RORA: variants seen among roughly 807,000 people sequenced by gnomAD.
The protein encoded by RORA is nuclear receptor ROR-alpha.
In RORA, 7 loss-of-function variants were observed where a neutral mutation model predicts 69.5. The observed-to-expected ratio is 0.10, with a 90% confidence interval of 0.06 to 0.19. The LOEUF is 0.19. Among genes scored for constraint, RORA ranks in the 10% least tolerant of loss-of-function variants. RORA has a pLI of 1.00. For synonymous variants in RORA, 261 were observed against 240.8 expected (o/e 1.08, Z -0.78); for missense variants, 457 against 663.0 (o/e 0.69, Z 3.41).
chr15:60,842,084 C>T (rs1455508936), intron 1 of RORA, among the ~76,000 whole-genome samples: 6 of 151,900 alleles, frequency 3.9e-5, no homozygotes, highest in South Asian at 2.1e-4. Flanking sequence ...CAAGCTGACC[C>T]ATCCCTTGCT....
At chr15:60,529,597 G>A (rs1418644445) in intron 3 of RORA, 1 of 152,204 alleles carries the variant, frequency 6.6e-6, no homozygotes, top group Non-Finnish European at 1.5e-5. Flanking sequence ...TGGCACTGAG[G>A]AGGTATGCAG....
At chr15:60,530,216 C>T (rs1470743305) in intron 3 of RORA, 1 of 152,208 alleles carries the variant, frequency 6.6e-6, no homozygotes, top group African/African-American at 2.4e-5. Flanking sequence ...TGACAGTGGT[C>T]ACAGGCAGAT....
intron 1 of RORA, among the ~76,000 whole-genome samples, chr15:60,688,406 A>G (rs2070777192): frequency 6.6e-6 from 1 of 152,186 alleles, no homozygotes; most frequent in Admixed American, 6.5e-5. Context: ...TAAAATTATA[A>G]TAATAAGAAA....
At chr15:60,707,134 G>A (rs2071074035) in intron 1 of RORA, among the ~76,000 whole-genome samples, 1 of 152,032 alleles carries the variant, frequency 6.6e-6, no homozygotes, top group African/African-American at 2.4e-5. Context: ...ACTGGAATCT[G>A]TAACCGTTGG....
At chr15:60,783,153 G>C (rs540319007) in intron 1 of RORA, among the ~76,000 whole-genome samples, 11 of 152,084 alleles carry the variant, frequency 7.2e-5, no homozygotes, top group Non-Finnish European at 4.4e-5. Context: ...GTAAAAAAAA[G>C]AAATCAAACT....
chr15:61,119,085 G>GC lies in RORA; in HGVS notation c.166+109967_166+109968insG, dbSNP rs1050632166. 7.5e-4 allele frequency among the ~76,000 whole-genome samples: 113 copies of GC among 150,336 alleles called. 5 individuals carry two copies. Among genetic ancestry groups the GC allele is most frequent in the Non-Finnish European group, 1.2e-3 (80 of 67,562 alleles). On this transcript the variant is annotated intron_variant, in intron 1 of 10. Transcript: ENST00000335670. Reference sequence around the variant, plus strand: ...CGGGAAGATGCAGTTAACAGAAGGGGGGGGGGGGCGCCATGGAGCAGTCGT... The same window carrying GC: ...CGGGAAGATGCAGTTAACAGAAGGGGCGGGGGGGGCGCCATGGAGCAGTCGT...
At chr15:60,788,363 C>A (rs144903999) in intron 1 of RORA, among the ~76,000 whole-genome samples, 5 of 152,168 alleles carry the variant, frequency 3.3e-5, no homozygotes, top group Admixed American at 3.3e-4. Context: ...GTGGGGAATG[C>A]TTTCCCATTA....
intron 1 of RORA, among the ~76,000 whole-genome samples, chr15:61,017,805 C>T (rs1448032154): frequency 6.6e-6 from 1 of 152,162 alleles, no homozygotes; most frequent in Non-Finnish European, 1.5e-5. Context: ...CCATTTCTAA[C>T]CTTCCTGGAG....
At chr15:61,196,789 T>A (rs183547295) in intron 1 of RORA, among the ~76,000 whole-genome samples, 1 of 152,352 alleles carries the variant, frequency 6.6e-6, no homozygotes, top group East Asian at 1.9e-4. Flanking sequence ...TACAGTGTTT[T>A]AAAAAAATTT....
intron 1 of RORA, among the ~76,000 whole-genome samples, chr15:61,011,411 A>G (rs970796413): frequency 2.6e-5 from 4 of 152,240 alleles, no homozygotes; most frequent in African/African-American, 9.6e-5. Flanking sequence ...GACTAATAAA[A>G]TGACAAAAGT....
At chr15:60,762,327 T>C (rs1567181686) in intron 1 of RORA, among the ~76,000 whole-genome samples, 1 of 152,206 alleles carries the variant, frequency 6.6e-6, no homozygotes, top group Admixed American at 6.5e-5. Context: ...CTTCTGGTTC[T>C]TAATTTAAAT....
chr15:60,524,607 A>G (rs1256208069), intron 3 of RORA, among the ~76,000 whole-genome samples: 1 of 152,150 alleles, frequency 6.6e-6, no homozygotes, highest in African/African-American at 2.4e-5. Flanking sequence ...TCCCCCTCCT[A>G]GCCCTTACCT....
intron 1 of RORA, among the ~76,000 whole-genome samples, chr15:60,679,026 T>C (rs1024910836): frequency 1.3e-5 from 2 of 152,132 alleles, no homozygotes; most frequent in African/African-American, 2.4e-5. Flanking sequence ...GTGGGAAAGA[T>C]GTAAGGCACA....
chr15:60,567,190 TAAAAA>T (rs796418607), intron 2 of RORA, among the ~76,000 whole-genome samples: 1 of 139,128 alleles, frequency 7.2e-6, no homozygotes, highest in Admixed American at 7.2e-5. Context: ...TAGATTCTCT[TAAAAA>T]AAAAAAAAAG....
At chr15:60,844,889 A>C (rs867858944) in intron 1 of RORA, among the ~76,000 whole-genome samples, 2 of 152,238 alleles carry the variant, frequency 1.3e-5, no homozygotes, top group Non-Finnish European at 2.9e-5. Flanking sequence ...GCAGGAAGCC[A>C]AGGTAACTGG....
At chr15:61,051,376 C>T (rs931977414) in intron 1 of RORA, among the ~76,000 whole-genome samples, 4 of 152,140 alleles carry the variant, frequency 2.6e-5, no homozygotes, top group Admixed American at 2.0e-4. Flanking sequence ...CTTTGTGGGG[C>T]ACACTGATCC....
chr15:60,716,829 G>A (rs2071226500), intron 1 of RORA, among the ~76,000 whole-genome samples: 1 of 152,190 alleles, frequency 6.6e-6, no homozygotes, highest in Admixed American at 6.5e-5. Flanking sequence ...CCTGGAGAAT[G>A]GTGCCCCAGG....
At chr15:60,981,293 T>C (rs1894037999) in intron 1 of RORA, among the ~76,000 whole-genome samples, 1 of 152,118 alleles carries the variant, frequency 6.6e-6, no homozygotes, top group Admixed American at 6.5e-5. Context: ...TGCAGATCTA[T>C]TCTAGTTTAT....
At chr15:60,810,783 A>C (rs1300689568) in intron 1 of RORA, among the ~76,000 whole-genome samples, 1 of 150,040 alleles carries the variant, frequency 6.7e-6, no homozygotes, top group Non-Finnish European at 1.5e-5. Flanking sequence ...TCTGTATCTC[A>C]CATTATATGC....
Sources: gnomAD v4.1 joint callset for allele counts (sites outside exome capture counted in the v4.1 genomes callset) on GRCh38, gnomAD v4.1.1 for gene constraint, MANE v1.5 for transcripts, NCBI Gene and HGNC (gene_info 2026-07-23, HGNC 2026-07-21) for gene names.